CHRM2: variants seen among roughly 807,000 people sequenced by gnomAD.
The protein encoded by CHRM2 is muscarinic acetylcholine receptor M2.
In CHRM2, 8 loss-of-function variants were observed where a neutral mutation model predicts 25.0. The observed-to-expected ratio is 0.32, with a 90% CI of 0.19 to 0.58. CHRM2 has a LOEUF of 0.58. Ranked by LOEUF, CHRM2 falls within the 20% of genes least tolerant of loss-of-function variation. The pLI, the probability that CHRM2 is intolerant of heterozygous loss-of-function variation, is 0.88. For synonymous variants in CHRM2, 202 were observed against 205.7 expected, an observed-to-expected ratio of 0.98 and a Z score of 0.15; for missense variants, 440 against 567.1, an observed-to-expected ratio of 0.78 and a Z score of 2.28.
intron 2 of CHRM2, among the ~76,000 whole-genome samples, chr7:136,877,481 C>T (rs1055993259): frequency 3.9e-5 from 6 of 151,976 alleles, no homozygotes; most frequent in South Asian, 2.1e-4. Context: ...TATATATCTT[C>T]ATGATTCCAG....
intron 3 of CHRM2, among the ~76,000 whole-genome samples, chr7:137,011,215 G>GTGTATATATATA: frequency 1.8e-4 from 24 of 134,278 alleles, no homozygotes; most frequent in African/African-American, 7.1e-4. Flanking sequence ...GTGTGTGTGT[G>GTGTATATATATA]TATATATATA....
At chr7:136,891,888 G>A (rs563228673) in intron 2 of CHRM2, among the ~76,000 whole-genome samples, 1 of 152,256 alleles carries the variant, frequency 6.6e-6, no homozygotes, top group East Asian at 1.9e-4. Flanking sequence ...TGAAATAGTG[G>A]CTTTGATTTA....
chr7:137,006,459 C>T (rs1804431795), intron 3 of CHRM2, among the ~76,000 whole-genome samples: 1 of 151,960 alleles, frequency 6.6e-6, no homozygotes, highest in South Asian at 2.1e-4. Flanking sequence ...AAGTTTGTCC[C>T]AGCATCACTA....
chr7:136,970,262 C>A (rs1035000827), intron 2 of CHRM2, among the ~76,000 whole-genome samples: 2 of 152,148 alleles, frequency 1.3e-5, no homozygotes, highest in East Asian at 3.9e-4. Flanking sequence ...ATCTCTTTAT[C>A]TCTTTTTGTC....
At chr7:136,998,101 T>C (rs1803726115) in intron 3 of CHRM2, among the ~76,000 whole-genome samples, 1 of 152,220 alleles carries the variant, frequency 6.6e-6, no homozygotes, top group Non-Finnish European at 1.5e-5. Context: ...GCTCCAATGC[T>C]ACAGCTGGCT....
At chr7:136,922,612 T>G (rs1798512112) in intron 2 of CHRM2, among the ~76,000 whole-genome samples, 1 of 152,190 alleles carries the variant, frequency 6.6e-6, no homozygotes, top group African/African-American at 2.4e-5. Context: ...ACACATCATA[T>G]TCTGGCTTTC....
At chr7:136,914,266 A>G (rs1797989718) in intron 2 of CHRM2, 1 of 152,092 alleles carries the variant, frequency 6.6e-6, no homozygotes, top group East Asian at 1.9e-4. Flanking sequence ...GTGATTGCAA[A>G]TGGTTCATAA....
intron 2 of CHRM2, among the ~76,000 whole-genome samples, chr7:136,977,913 A>G (rs1378201322): frequency 3.3e-5 from 5 of 152,174 alleles, no homozygotes; most frequent in African/African-American, 1.2e-4. Flanking sequence ...TAATTTTCAT[A>G]TACTGTGAAA....
rs151056685 is a variant in CHRM2, at chr7:137,006,791, G to A, written c.-46-8029G>A. The stretch of plus-strand genomic sequence containing the variant: ...AAACGTTGTACATAATGCATATCTG[G>A]TAAAATCTGCCGCCGTATGCTGTAA... On this transcript the variant is annotated intron_variant, in intron 3 of 3. Transcript: ENST00000680005. Among the ~76,000 whole-genome samples, 6 of 151,956 alleles carry A rather than the reference G, an allele frequency of 3.9e-5. No individual in the cohort carries two copies. In the East Asian group the frequency reaches 1.2e-3, roughly 29 times the overall value.
chr7:137,004,514 G>T (rs1008879765), intron 3 of CHRM2, among the ~76,000 whole-genome samples: 27 of 152,118 alleles, frequency 1.8e-4, no homozygotes, highest in African/African-American at 6.3e-4. Flanking sequence ...CACACTAAGG[G>T]TGTTGGAAGA....
chr7:137,003,855 T>C (rs563996585), intron 3 of CHRM2, among the ~76,000 whole-genome samples: 3 of 152,200 alleles, frequency 2.0e-5, no homozygotes, highest in African/African-American at 7.2e-5. Context: ...CCTAGTGCTG[T>C]TCTTGTGATA....
chr7:136,903,977 AT>A (rs1797385653), intron 2 of CHRM2, among the ~76,000 whole-genome samples: 1 of 151,922 alleles, frequency 6.6e-6, no homozygotes, highest in Admixed American at 6.6e-5. Flanking sequence ...ATACTAATAC[AT>A]TTCTAAATCC....
chr7:136,916,455 A>G (rs2130710879), intron 2 of CHRM2, among the ~76,000 whole-genome samples: 1 of 151,822 alleles, frequency 6.6e-6, no homozygotes, highest in East Asian at 1.9e-4. Flanking sequence ...CATAATATGA[A>G]TTCTGAGGAC....
intron 3 of CHRM2, among the ~76,000 whole-genome samples, chr7:137,005,565 C>A (rs542557537): frequency 6.6e-6 from 1 of 152,094 alleles, no homozygotes; most frequent in South Asian, 2.1e-4. Flanking sequence ...TCTCTTCTCC[C>A]AAACTGACTT....
At chr7:136,980,838 A>C (rs1405498124) in intron 2 of CHRM2, among the ~76,000 whole-genome samples, 2 of 152,066 alleles carry the variant, frequency 1.3e-5, no homozygotes, top group Non-Finnish European at 1.5e-5. Flanking sequence ...GCTGGATTCA[A>C]TTTGCCAGTA....
At chr7:136,933,566 C>T (rs995771798) in intron 2 of CHRM2, among the ~76,000 whole-genome samples, 4 of 152,232 alleles carry the variant, frequency 2.6e-5, no homozygotes, top group East Asian at 1.9e-4. Flanking sequence ...CATGACTCAA[C>T]AATTCTCCTT....
At chr7:136,968,727 TATATA>T (rs1801574734) in intron 2 of CHRM2, among the ~76,000 whole-genome samples, 1 of 126,418 alleles carries the variant, frequency 7.9e-6, no homozygotes, top group Non-Finnish European at 1.9e-5. Context: ...CATAAATATA[TATATA>T]TATATATATA....
At chr7:136,939,686 A>G (rs1799650332) in intron 2 of CHRM2, among the ~76,000 whole-genome samples, 1 of 152,214 alleles carries the variant, frequency 6.6e-6, no homozygotes, top group Admixed American at 6.5e-5. Flanking sequence ...TTTTCAAGTG[A>G]AGAGACAGAG....
chr7:136,966,442 G>T (rs1315027045), intron 2 of CHRM2, among the ~76,000 whole-genome samples: 1 of 151,828 alleles, frequency 6.6e-6, no homozygotes, highest in Non-Finnish European at 1.5e-5. Context: ...TCCAAATCCT[G>T]AGGGTCACTA....
Sources: gnomAD v4.1 joint callset for allele counts (sites outside exome capture counted in the v4.1 genomes callset) on GRCh38, gnomAD v4.1.1 for gene constraint, MANE v1.5 for transcripts, NCBI Gene and HGNC (gene_info 2026-07-23, HGNC 2026-07-21) for gene names.